ENDOD1: variants seen among roughly 807,000 people sequenced by gnomAD.
ENDOD1 encodes the protein endonuclease domain-containing 1 protein.
Under a neutral mutation model 6.5 loss-of-function variants are expected in ENDOD1, and 9 were observed. That is an observed-to-expected ratio of 1.39 (90% confidence interval 0.84 to 2.43). The LOEUF (loss-of-function observed/expected upper bound fraction) is 2.43, where lower values mean the gene tolerates loss of function less well. Ranked by LOEUF, ENDOD1 falls within the 30% of genes most tolerant of loss-of-function variation. The pLI, the probability that ENDOD1 is intolerant of heterozygous loss-of-function variation, is 0.00. For missense variants in ENDOD1, 648 were observed against 635.5 expected, an observed-to-expected ratio of 1.02 and a Z score of -0.21; for synonymous variants, 255 against 255.2, an observed-to-expected ratio of 1.00 and a Z score of 0.01.
In ENDOD1 at chr11:95,128,874, G is replaced by A; in HGVS notation, c.798G>A (p.Gln266=). The change falls in exon 2 of 2, where the codon CAG becomes CAA. Residue 266 remains glutamine (Q), a synonymous_variant. Transcript: ENST00000278505. ...KLLPFNPQLF[Q]NNCGETEQDT... ...TTCCATTTAACCCTCAGCTGTTTCA[G>A]AACAACTGTGGTGAAACTGAGCAAG... 6.2e-7 allele frequency: 1 copy of A among 1,614,144 alleles called. No homozygotes were observed. The highest frequency in any genetic ancestry group is 8.5e-7 in the Non-Finnish European group (1 of 1,180,028).
chr11:95,100,228 T>C (rs1859024884), intron 1 of ENDOD1, among the ~76,000 whole-genome samples: 1 of 152,096 alleles, frequency 6.6e-6, no homozygotes, highest in South Asian at 2.1e-4. Context: ...GTTCCCATCA[T>C]CTATCTAAGT....
intron 1 of ENDOD1, among the ~76,000 whole-genome samples, chr11:95,094,260 G>A (rs1171121172): frequency 1.3e-5 from 2 of 151,868 alleles, no homozygotes; most frequent in African/African-American, 4.8e-5. Context: ...GGAGGAAACT[G>A]GCTAAGGGAG....
intron 1 of ENDOD1, among the ~76,000 whole-genome samples, chr11:95,105,859 A>G (rs1859084388): frequency 6.6e-6 from 1 of 152,210 alleles, no homozygotes; most frequent in African/African-American, 2.4e-5. Flanking sequence ...CACAAGAATT[A>G]AGAGAGCCAA....
chr11:95,101,534 T>C (rs1217501048), intron 1 of ENDOD1, among the ~76,000 whole-genome samples: 1 of 132,032 alleles, frequency 7.6e-6, no homozygotes, highest in African/African-American at 2.4e-5. Context: ...TTTAAGATTA[T>C]AAAAATAACA....
chr11:95,105,128 C>T (rs1222570397), intron 1 of ENDOD1, among the ~76,000 whole-genome samples: 5 of 152,114 alleles, frequency 3.3e-5, no homozygotes, highest in East Asian at 1.9e-4. Context: ...TCACTGGGGC[C>T]GTATCAGTCA....
At chr11:95,100,798 CTT>C (rs1197681912) in intron 1 of ENDOD1, among the ~76,000 whole-genome samples, 1 of 122,658 alleles carries the variant, frequency 8.2e-6, no homozygotes. Flanking sequence ...GCCCAGCCTA[CTT>C]TTTTTTTTTT....
intron 1 of ENDOD1, among the ~76,000 whole-genome samples, chr11:95,119,741 T>C (rs557091207): frequency 1.2e-4 from 19 of 152,330 alleles, no homozygotes; most frequent in Non-Finnish European, 1.5e-5. Context: ...CTTGTGTTAT[T>C]TCATTCAGGG....
intron 1 of ENDOD1, among the ~76,000 whole-genome samples, chr11:95,110,727 T>C (rs920021294): frequency 2.6e-5 from 4 of 152,138 alleles, no homozygotes; most frequent in African/African-American, 9.7e-5. Context: ...TCCTGTACAT[T>C]CTAAGACATT....
At chr11:95,092,304 G>A (rs1457355343) in intron 1 of ENDOD1, among the ~76,000 whole-genome samples, 1 of 152,086 alleles carries the variant, frequency 6.6e-6, no homozygotes, top group East Asian at 1.9e-4. Flanking sequence ...GGAAGGGAGG[G>A]ATCAGGTGGG....
intron 1 of ENDOD1, among the ~76,000 whole-genome samples, chr11:95,103,100 G>GGGGGGT (rs1491376570): frequency 9.4e-5 from 8 of 85,552 alleles, no homozygotes; most frequent in South Asian, 3.5e-4. Context: ...AGGCAGAGTG[G>GGGGGGT]GTGTGTGTGT....
At chr11:95,119,252 A>C (rs185017150) in intron 1 of ENDOD1, among the ~76,000 whole-genome samples, 56 of 152,330 alleles carry the variant, frequency 3.7e-4, no homozygotes, top group African/African-American at 1.3e-3. Context: ...TGGGCATTGA[A>C]GAGTGAGGTA....
Position 95,090,122 on chromosome 11 carries a change from C to A in ENDOD1, c.195C>A (p.Phe65Leu). 1 of 1,564,266 alleles carries A rather than the reference C, an allele frequency of 6.4e-7. No individual in the cohort carries two copies. The highest frequency in any genetic ancestry group is 8.6e-7 in the Non-Finnish European group (1 of 1,157,268). The change falls in exon 1 of 2, where the codon TTC (phenylalanine) becomes TTA (leucine). Residue 65 changes from phenylalanine (F) to leucine (L), a missense_variant. Coordinates refer to ENST00000278505, the MANE Select transcript of ENDOD1 (RefSeq NM_015036.3). ...ICQRAEGAER[F>L]ATLYSTRDRI... ...AGCGCGCGGAGGGTGCTGAGCGCTT[C>A]GCCACCCTCTACAGCACCCGGGACC...
At chr11:95,125,052 C>T (rs138755583) in intron 1 of ENDOD1, among the ~76,000 whole-genome samples, 2 of 152,222 alleles carry the variant, frequency 1.3e-5, no homozygotes, top group East Asian at 3.9e-4. Context: ...CCTCCCCTTC[C>T]TCATCCAAGT....
In ENDOD1 at chr11:95,132,560, G is replaced by A. The variant is rs1859381300; in HGVS notation, c.*2981G>A. 1 of 152,218 alleles carries A rather than the reference G, an allele frequency of 6.6e-6. No individual in the cohort carries two copies. Among genetic ancestry groups the A allele is most frequent in the African/African-American group, 2.4e-5 (1 of 41,464 alleles). 9.4% of individuals were successfully genotyped at this position (152,218 alleles called of 1,614,324 possible). A position where few individuals can be genotyped will look rare whatever the true frequency, so the allele number is the denominator to read the frequency against. On this transcript the variant is annotated 3_prime_UTR_variant, in exon 2 of 2. Coordinates refer to ENST00000278505, the MANE Select transcript of ENDOD1 (RefSeq NM_015036.3). ...TGGAAATTAGGGAAGCCTTTACAGA[G>A]GGTGTGACAAAACTCAATTTGACAT...
rs1487521760 is a variant in ENDOD1 at position 95,129,688 on chromosome 11, G to C, written c.*109G>C. ...AGTTATCATTATATTTTGGCCTTTG[G>C]TGGGGATGTCTGCTTGTTTTTGCAA... On this transcript the variant is annotated 3_prime_UTR_variant, in exon 2 of 2. Transcript: ENST00000278505. 2 of 1,258,616 alleles carry C rather than the reference G, an allele frequency of 1.6e-6. No homozygotes were observed. Among genetic ancestry groups the C allele is most frequent in the Non-Finnish European group, 2.2e-6 (2 of 909,054 alleles). The allele number at this position is 1,258,616 out of a possible 1,614,324, so 78.0% of individuals were successfully genotyped here. A position where few individuals can be genotyped will look rare whatever the true frequency, so the allele number is the denominator to read the frequency against.
At chr11:95,119,668 T>C (rs1233241488) in intron 1 of ENDOD1, among the ~76,000 whole-genome samples, 1 of 152,214 alleles carries the variant, frequency 6.6e-6, no homozygotes, top group African/African-American at 2.4e-5. Context: ...ACTCCCTGGC[T>C]ACTGCCTATG....
chr11:95,096,736 A>T (rs975636705), intron 1 of ENDOD1, among the ~76,000 whole-genome samples: 3 of 152,216 alleles, frequency 2.0e-5, no homozygotes, highest in Non-Finnish European at 4.4e-5. Context: ...TTAGTCAACA[A>T]ATCTTTATTG....
chr11:95,119,654 A>C (rs1286201389), intron 1 of ENDOD1, among the ~76,000 whole-genome samples: 2 of 152,182 alleles, frequency 1.3e-5, no homozygotes, highest in African/African-American at 4.8e-5. Context: ...AGCCTGCTGT[A>C]ACCACTCCCT....
In ENDOD1 at chr11:95,110,574, C is replaced by T. The variant is rs532059610; in HGVS notation, c.301-17803C>T. 5.0e-5 allele frequency among the ~76,000 whole-genome samples: 7 copies of T among 138,812 alleles called. No homozygotes were observed. In the East Asian group the frequency reaches 6.0e-4, roughly 12 times the overall value. 91.1% of individuals were successfully genotyped at this position (138,812 alleles called of 152,430 possible). ...ACTCTTTTTTGCTGACTTTCAAGTC[C>T]GTGTATGTATGTGTGTGTGTGTGTG... On this transcript the variant is annotated intron_variant, in intron 1 of 1. Coordinates refer to ENST00000278505, the MANE Select transcript of ENDOD1 (RefSeq NM_015036.3).
Sources: gnomAD v4.1 joint callset for allele counts (sites outside exome capture counted in the v4.1 genomes callset) on GRCh38, gnomAD v4.1.1 for gene constraint, MANE v1.5 for transcripts, NCBI Gene and HGNC (gene_info 2026-07-23, HGNC 2026-07-21) for gene names.